TENM4: variants seen among roughly 807,000 people sequenced by gnomAD.
The protein encoded by TENM4 is teneurin transmembrane protein 4, also known as teneurin-4.
In TENM4, 82 loss-of-function variants were observed where a neutral mutation model predicts 243.3. The ratio of observed to expected loss-of-function variants is 0.34; its 90% CI spans 0.28 to 0.40. TENM4 has a LOEUF of 0.40. Among genes scored for constraint, TENM4 ranks in the 10% least tolerant of loss-of-function variants. TENM4 has a pLI of 1.00. For synonymous variants in TENM4, 1,412 were observed against 1,456.3 expected (o/e 0.97, Z 0.69); for missense variants, 3,138 against 3,673.3 (o/e 0.85, Z 3.77).
intron 4 of TENM4, among the ~76,000 whole-genome samples, chr11:79,116,883 G>A (rs1043054859): frequency 1.3e-5 from 2 of 152,282 alleles, no homozygotes; most frequent in Non-Finnish European, 2.9e-5. Flanking sequence ...AGAGAAATGG[G>A]GGGAAAGGTG....
chr11:78,965,337 C>T (rs1287689796), intron 6 of TENM4, among the ~76,000 whole-genome samples: 1 of 151,976 alleles, frequency 6.6e-6, no homozygotes. Context: ...CATGACTCCC[C>T]CTACGGTTCC....
At chr11:78,778,900 T>C (rs1856790374) in intron 16 of TENM4, among the ~76,000 whole-genome samples, 1 of 152,100 alleles carries the variant, frequency 6.6e-6, no homozygotes, top group African/African-American at 2.4e-5. Flanking sequence ...AGAAGACATA[T>C]GAATAAGGAA....
At chr11:79,124,875 G>GTGTGTATATATATACACATATGTA (rs1861835087) in intron 4 of TENM4, among the ~76,000 whole-genome samples, 1 of 106,556 alleles carries the variant, frequency 9.4e-6, no homozygotes, top group African/African-American at 3.6e-5. Flanking sequence ...ATATGTATGT[G>GTGTGTATATATATACACATATGTA]TATATATGTA....
chr11:78,668,818 C>G (rs1858229659), intron 32 of TENM4, 119 bp downstream of exon 32: 2 of 1,313,558 alleles, frequency 1.5e-6, no homozygotes, highest in South Asian at 1.5e-5. Context: ...AAATGCTGCT[C>G]TAAGAGAAAG....
intron 6 of TENM4, among the ~76,000 whole-genome samples, chr11:78,931,814 T>C (rs747400056): frequency 1.3e-5 from 2 of 152,218 alleles, no homozygotes; most frequent in Non-Finnish European, 2.9e-5. Context: ...TGAAACGCTG[T>C]GCTTTAGTTG....
intron 2 of TENM4, among the ~76,000 whole-genome samples, chr11:79,223,013 TA>T (rs1864193694): frequency 6.6e-6 from 1 of 152,006 alleles, no homozygotes; most frequent in African/African-American, 2.4e-5. Flanking sequence ...AGCATCAGGA[TA>T]AATAGCTAAT....
At chr11:79,321,569 G>T (rs1273347856) in intron 1 of TENM4, among the ~76,000 whole-genome samples, 1 of 146,396 alleles carries the variant, frequency 6.8e-6, no homozygotes, top group African/African-American at 2.5e-5. Context: ...ACCAGAGGAA[G>T]CAGGCGATCT....
At chr11:79,293,519 AAG>A (rs1161007976) in intron 2 of TENM4, among the ~76,000 whole-genome samples, 5 of 93,002 alleles carry the variant, frequency 5.4e-5, no homozygotes, top group Non-Finnish European at 1.1e-4. Flanking sequence ...AAAAAAAAAA[AAG>A]AAAAAAAAAA....
intron 4 of TENM4, among the ~76,000 whole-genome samples, chr11:79,143,494 G>A (rs1419410612): frequency 6.6e-6 from 1 of 151,980 alleles, no homozygotes; most frequent in Non-Finnish European, 1.5e-5. Context: ...CTTGGACATA[G>A]GGTGGGGAAC....
chr11:79,008,988 A>C (rs1157725083), intron 6 of TENM4, among the ~76,000 whole-genome samples: 1 of 152,178 alleles, frequency 6.6e-6, no homozygotes, highest in Non-Finnish European at 1.5e-5. Flanking sequence ...TTAGTGTTTT[A>C]GTTTGCATTT....
intron 6 of TENM4, among the ~76,000 whole-genome samples, chr11:78,955,075 C>G (rs1403043673): frequency 1.3e-5 from 2 of 152,198 alleles, no homozygotes; most frequent in African/African-American, 4.8e-5. Context: ...AGCAGCGGGC[C>G]TCACATGATG....
At position 79,440,671 on chromosome 11, in the gene TENM4, C is replaced by T. The variant is rs12418463; in HGVS notation, c.-483G>A. ...GCAGGTCCGGGCTCTGCGCTCAGCT[C>T]CAGCGAGACCAACAATAGCTCCCGC... On this transcript the variant is annotated 5_prime_UTR_variant, in exon 1 of 34. Coordinates refer to ENST00000278550, the MANE Select transcript of TENM4 (RefSeq NM_001098816.3). The surrounding 1 kb of genome is among the most constrained non-coding windows in gnomAD (Gnocchi z 4.7). The T allele has an allele frequency of 0.033, 5,080 of 152,042 alleles. 147 individuals are homozygous for T. Among genetic ancestry groups the T allele is most frequent in the East Asian group, 0.058 (295 of 5,072 alleles). 9.4% of individuals were successfully genotyped at this position (152,042 alleles called of 1,614,324 possible).
At chr11:78,728,346 T>C (rs1176842294) in intron 22 of TENM4, among the ~76,000 whole-genome samples, 1 of 152,180 alleles carries the variant, frequency 6.6e-6, no homozygotes. Flanking sequence ...GGGGTGACAA[T>C]TTTTGACTCA....
At chr11:79,433,799 G>T (rs1028579789) in intron 1 of TENM4, among the ~76,000 whole-genome samples, 1 of 152,186 alleles carries the variant, frequency 6.6e-6, no homozygotes, top group African/African-American at 2.4e-5. Flanking sequence ...ACATGACAAA[G>T]AACAGAAACA....
intron 6 of TENM4, among the ~76,000 whole-genome samples, chr11:79,062,547 C>T (rs557516420): frequency 1.2e-3 from 189 of 152,246 alleles, no homozygotes; most frequent in African/African-American, 3.3e-3. Context: ...CTCTAAGAAG[C>T]CCTGCAGTAA....
At chr11:79,369,945 T>C (rs1419812880) in intron 1 of TENM4, among the ~76,000 whole-genome samples, 1 of 152,150 alleles carries the variant, frequency 6.6e-6, no homozygotes, top group Non-Finnish European at 1.5e-5. Flanking sequence ...TTTTTCCAGG[T>C]GAAGCAGCTG....
At chr11:78,868,696 T>C (rs564828902) in intron 9 of TENM4, among the ~76,000 whole-genome samples, 15 of 152,156 alleles carry the variant, frequency 9.9e-5, no homozygotes, top group Non-Finnish European at 1.9e-4. Flanking sequence ...GTCACCAATA[T>C]CAGTACAGGT....
At chr11:78,795,378 TC>T (rs1350877864) in intron 15 of TENM4, among the ~76,000 whole-genome samples, 8 of 152,174 alleles carry the variant, frequency 5.3e-5, no homozygotes, top group African/African-American at 1.9e-4. Flanking sequence ...ACGTAACTGT[TC>T]AAGATTCTGT....
chr11:79,008,215 T>C (rs1858541789), intron 6 of TENM4, among the ~76,000 whole-genome samples: 1 of 152,170 alleles, frequency 6.6e-6, no homozygotes, highest in African/African-American at 2.4e-5. Flanking sequence ...AGCAATTTCC[T>C]TAGCAAAGAA....
Sources: gnomAD v4.1 joint callset for allele counts (sites outside exome capture counted in the v4.1 genomes callset) on GRCh38, gnomAD v4.1.1 for gene constraint, Gnocchi (gnomAD v3.1) non-coding constraint, MANE v1.5 for transcripts, NCBI Gene and HGNC (gene_info 2026-07-23, HGNC 2026-07-21) for gene names.